PUM1: variants seen among roughly 807,000 people sequenced by gnomAD.
PUM1 encodes the protein pumilio homolog 1.
In PUM1, 13 loss-of-function variants were observed where a neutral mutation model predicts 131.8. The observed-to-expected ratio is 0.10, with a 90% CI of 0.06 to 0.16. The LOEUF (loss-of-function observed/expected upper bound fraction) is 0.16. Among genes scored for constraint, PUM1 ranks in the 10% least tolerant of loss-of-function variants. The pLI, the probability that PUM1 is intolerant of heterozygous loss-of-function variation, is 1.00. For synonymous variants in PUM1, 509 were observed against 556.5 expected, an observed-to-expected ratio of 0.91 and a Z score of 1.20; for missense variants, 961 against 1,512.4, an observed-to-expected ratio of 0.64 and a Z score of 6.05.
intron 2 of PUM1, among the ~76,000 whole-genome samples, chr1:31,033,192 A>G (rs2124554696): frequency 6.6e-6 from 1 of 152,072 alleles, no homozygotes; most frequent in African/African-American, 2.4e-5. Flanking sequence ...GAAGTTTAGA[A>G]GACGACCTTA....
In PUM1 at chr1:31,004,893, C is replaced by T. The variant is rs1642343508; in HGVS notation, c.720+960G>A. Among the ~76,000 whole-genome samples the T allele has an allele frequency of 2.0e-5, 3 of 152,024 alleles. No individual in the cohort carries two copies. In the South Asian group the frequency reaches 6.2e-4, roughly 32 times the overall value. The stretch of plus-strand genomic sequence containing the variant: ...AGAAGGTGCTTCTGCTGTTCTTTCC[C>T]ACAAATTACATTAAAATCTTTTAAA... On this transcript the variant is annotated intron_variant, in intron 5 of 21. Coordinates refer to ENST00000426105, the MANE Select transcript of PUM1 (RefSeq NM_001020658.2).
intron 3 of PUM1, among the ~76,000 whole-genome samples, chr1:31,009,027 A>C (rs1234957825): frequency 6.6e-6 from 1 of 150,460 alleles, no homozygotes; most frequent in Non-Finnish European, 1.5e-5. Context: ...CAAAAAAAAA[A>C]AAAAAATTGG....
intron 5 of PUM1, among the ~76,000 whole-genome samples, chr1:30,997,495 C>CT (rs9286937): frequency 0.026 from 3,419 of 129,758 alleles, 41 homozygotes; most frequent in East Asian, 0.068. Context: ...TGAAACTCGT[C>CT]TTTTTTTTTT....
chr1:30,994,119 T>G (rs982917694), intron 6 of PUM1, among the ~76,000 whole-genome samples: 3 of 152,138 alleles, frequency 2.0e-5, no homozygotes, highest in African/African-American at 7.2e-5. Context: ...AGACTGTAAT[T>G]ATTTACACAT....
At chr1:31,012,552 T>TAAA (rs10666570) in intron 3 of PUM1, among the ~76,000 whole-genome samples, 44 of 119,148 alleles carry the variant, frequency 3.7e-4, no homozygotes, top group South Asian at 1.9e-3. Context: ...TTATGAAAAG[T>TAAA]AAAAAAAAAA....
intron 7 of PUM1, among the ~76,000 whole-genome samples, chr1:30,986,443 T>G (rs1431118983): frequency 6.6e-6 from 1 of 152,140 alleles, no homozygotes; most frequent in African/African-American, 2.4e-5. Flanking sequence ...GCTTGAAGCT[T>G]CTAGATAAAA....
rs1641066016 is a variant in PUM1 at position 30,974,690 on chromosome 1, A to G, written c.1467T>C (p.Asn489=). ...AAAAAATNSA[N]QQTTPQAQQG... is the part of the protein sequence containing the mutation. ...GCTGAGCCTGTGGGGTGGTCTGTTG[A>G]TTAGCTGAATTAGTTGCTGCAGCGG... is the stretch of plus-strand genomic sequence containing the variant. The change falls in exon 10 of 22, where the codon AAT becomes AAC. Residue 489 remains asparagine, a synonymous_variant. Transcript: ENST00000426105. 1 of 1,610,438 alleles carries G rather than the reference A, an allele frequency of 6.2e-7. No homozygotes were observed. Among genetic ancestry groups the G allele is most frequent in the African/African-American group, 1.3e-5 (1 of 74,984 alleles).
chr1:30,954,461 C>T (rs1640068328), intron 14 of PUM1, among the ~76,000 whole-genome samples: 1 of 152,158 alleles, frequency 6.6e-6, no homozygotes, highest in African/African-American at 2.4e-5. Context: ...CTGTTTTATA[C>T]AGGGGATCCC....
intron 1 of PUM1, among the ~76,000 whole-genome samples, chr1:31,060,947 T>C (rs1644354294): frequency 1.3e-5 from 2 of 151,620 alleles, no homozygotes. Flanking sequence ...ATTGATAGGA[T>C]ATTTCTTAAA....
At chr1:30,955,448 G>C (rs1458563605) in intron 14 of PUM1, among the ~76,000 whole-genome samples, 3 of 144,946 alleles carry the variant, frequency 2.1e-5, no homozygotes, top group African/African-American at 5.0e-5. Context: ...CTGGGCGACA[G>C]AGCAAGACTC....
At chr1:30,985,263 A>G (rs1257661878) in intron 7 of PUM1, among the ~76,000 whole-genome samples, 1 of 152,184 alleles carries the variant, frequency 6.6e-6, no homozygotes, top group East Asian at 1.9e-4. Context: ...CAACAGACTC[A>G]GCCCTTCTGA....
Position 31,044,777 on chromosome 1 carries a change from G to A in PUM1, c.363+14427C>T, listed in dbSNP as rs1352514322. On this transcript the variant is annotated intron_variant, in intron 2 of 21. Transcript: ENST00000426105. ...ACTGCAAGCTCCGCCTCAGGCTCCA[G>A]CCCAGCTAATTTTTATTGTTTTGTT... Among the ~76,000 whole-genome samples the A allele has an allele frequency of 4.0e-5, 6 of 151,820 alleles. No homozygotes were observed. In the East Asian group the frequency reaches 9.7e-4, roughly 24 times the overall value.
chr1:31,036,544 C>T (rs1412153141), intron 2 of PUM1, among the ~76,000 whole-genome samples: 2 of 152,190 alleles, frequency 1.3e-5, no homozygotes, highest in Non-Finnish European at 1.5e-5. Context: ...AGCAGACTCT[C>T]ATCTCTACAA....
At chr1:31,042,949 G>A (rs200667871) in intron 2 of PUM1, among the ~76,000 whole-genome samples, 48 of 152,078 alleles carry the variant, frequency 3.2e-4, no homozygotes, top group Admixed American at 9.2e-4. Flanking sequence ...GGCTGGTCTC[G>A]AATTCCTGAC....
chr1:30,990,533 C>G (rs756871963), intron 7 of PUM1, among the ~76,000 whole-genome samples: 33 of 151,896 alleles, frequency 2.2e-4, no homozygotes, highest in Middle Eastern at 3.4e-3. Flanking sequence ...GAAACAAACA[C>G]CAATTTCCAA....
chr1:31,059,073 T>C, intron 2 of PUM1, 131 bp downstream of exon 2: 3 of 1,087,812 alleles, frequency 2.8e-6, no homozygotes, highest in Non-Finnish European at 4.0e-6. Context: ...TCAACCTTTA[T>C]AACAAGTAAC....
intron 11 of PUM1, 109 bp from the exon 12 acceptor site, chr1:30,967,419 C>A: frequency 2.8e-6 from 3 of 1,072,008 alleles, no homozygotes; most frequent in Non-Finnish European, 4.1e-6. Context: ...TTGAATTGGC[C>A]AGATTTATAT....
At chr1:31,021,565 A>T (rs1643027873) in intron 3 of PUM1, among the ~76,000 whole-genome samples, 1 of 152,194 alleles carries the variant, frequency 6.6e-6, no homozygotes, top group Admixed American at 6.5e-5. Flanking sequence ...AGAAAACATC[A>T]CCATATATAC....
chr1:30,962,756 T>C (rs1322752521), intron 14 of PUM1, among the ~76,000 whole-genome samples: 3 of 152,186 alleles, frequency 2.0e-5, no homozygotes, highest in Non-Finnish European at 4.4e-5. Flanking sequence ...TAGCTACGTA[T>C]TCACTCATTT....
Sources: allele counts gnomAD v4.1 joint callset (sites outside exome capture counted in the v4.1 genomes callset), GRCh38; gene constraint gnomAD v4.1.1; transcripts MANE v1.5; gene names NCBI Gene and HGNC (gene_info 2026-07-23, HGNC 2026-07-21).